The following PCDH15 variants were observed in gnomAD, a reference collection of about 807,000 sequenced individuals.
The protein encoded by PCDH15 is protocadherin related 15.
PCDH15 carries 129 observed loss-of-function variants against 178.5 expected under a neutral mutation model. The ratio of observed to expected loss-of-function variants is 0.72; its 90% CI spans 0.63 to 0.84. The LOEUF (loss-of-function observed/expected upper bound fraction) is 0.84, where lower values mean the gene tolerates loss of function less well. Ranked by LOEUF, PCDH15 falls within the 40% of genes least tolerant of loss-of-function variation. The pLI, the probability that PCDH15 is intolerant of heterozygous loss-of-function variation, is 0.00. For missense variants in PCDH15, 2,230 were observed against 2,099.9 expected (o/e 1.06, Z -1.21); for synonymous variants, 800 against 732.0 (o/e 1.09, Z -1.50).
At chr10:54,230,085 C>T (rs889663565) in intron 9 of PCDH15, among the ~76,000 whole-genome samples, 1 of 152,128 alleles carries the variant, frequency 6.6e-6, no homozygotes, top group Non-Finnish European at 1.5e-5. Flanking sequence ...ATAGCTTTCA[C>T]TTTTGCCTTC....
intron 1 of PCDH15, among the ~76,000 whole-genome samples, chr10:55,318,089 G>A (rs10825494): frequency 0.54 from 82,460 of 151,954 alleles, 22,864 homozygotes; most frequent in African/African-American, 0.63. Context: ...AGACAAGAAC[G>A]ACTGAATTCC....
rs113052279 is a variant in PCDH15, at chr10:55,286,862, A to G, written c.-156+32737T>C. 2.8e-3 allele frequency among the ~76,000 whole-genome samples: 429 copies of G among 152,028 alleles called. 3 individuals are homozygous for G. The highest frequency in any genetic ancestry group is 9.5e-3 in the African/African-American group (393 of 41,506). On this transcript the variant is annotated intron_variant, in intron 1 of 5. Transcript: ENST00000458638. ...TTTTATTATATATTTCTTTTCATGC[A>G]TTTGTATTAGCCAAGTACAGAGTTA...
intron 8 of PCDH15, among the ~76,000 whole-genome samples, chr10:54,258,586 T>C (rs1040548560): frequency 1.3e-5 from 2 of 152,194 alleles, no homozygotes; most frequent in African/African-American, 2.4e-5. Context: ...GAGCTCTCCA[T>C]ATAAAACAAA....
chr10:53,807,270 G>GTCTT (rs759613958), intron 37 of PCDH15, 140 bp from the exon 38 acceptor site: 31 of 654,990 alleles, frequency 4.7e-5, no homozygotes, highest in Non-Finnish European at 7.0e-5. Context: ...AAGGAAGCCA[G>GTCTT]TCTTTATTAA....
chr10:55,145,443 TAG>T (rs1422461537), intron 2 of PCDH15, among the ~76,000 whole-genome samples: 2 of 152,148 alleles, frequency 1.3e-5, no homozygotes, highest in South Asian at 2.1e-4. Flanking sequence ...CAAGAAATGT[TAG>T]AGAAGAGTGT....
intron 2 of PCDH15, among the ~76,000 whole-genome samples, chr10:55,096,740 CT>C (rs1158450321): frequency 6.6e-6 from 1 of 151,982 alleles, no homozygotes; most frequent in African/African-American, 2.4e-5. Context: ...CAGTATTTGT[CT>C]TTCTGTGTCT....
intron 2 of PCDH15, among the ~76,000 whole-genome samples, chr10:55,474,317 A>G (rs150284704): frequency 2.0e-5 from 3 of 152,350 alleles, no homozygotes; most frequent in Non-Finnish European, 4.4e-5. Flanking sequence ...CTGAGCAGAA[A>G]GTAGCATCAT....
chr10:55,369,949 C>A (rs759379619), intron 2 of PCDH15, among the ~76,000 whole-genome samples: 10 of 151,692 alleles, frequency 6.6e-5, no homozygotes, highest in Non-Finnish European at 1.3e-4. Context: ...CAAGTAATGG[C>A]AATAGCTTGA....
chr10:53,895,232 C>A (rs2081873001), intron 26 of PCDH15, among the ~76,000 whole-genome samples: 1 of 152,208 alleles, frequency 6.6e-6, no homozygotes, highest in South Asian at 2.1e-4. Context: ...CATTTCTATA[C>A]CTTTTGCTAC....
At chr10:54,240,319 T>G (rs1159204808) in intron 8 of PCDH15, among the ~76,000 whole-genome samples, 3 of 147,000 alleles carry the variant, frequency 2.0e-5, no homozygotes, top group Non-Finnish European at 4.5e-5. Context: ...AAAAATAAAA[T>G]GAAAAAGGAA....
At chr10:54,474,235 G>A (rs2078116835) in intron 3 of PCDH15, among the ~76,000 whole-genome samples, 1 of 151,680 alleles carries the variant, frequency 6.6e-6, no homozygotes, top group African/African-American at 2.4e-5. Flanking sequence ...TAAAAATTAA[G>A]TTTAGAATGA....
intron 3 of PCDH15, among the ~76,000 whole-genome samples, chr10:54,522,162 T>G (rs1347559543): frequency 1.3e-5 from 2 of 151,946 alleles, no homozygotes; most frequent in Non-Finnish European, 2.9e-5. Flanking sequence ...AGTTGTGAAT[T>G]TGAATTTTTA....
intron 3 of PCDH15, among the ~76,000 whole-genome samples, chr10:54,868,302 G>C (rs1265094963): frequency 6.6e-6 from 1 of 152,082 alleles, no homozygotes; most frequent in Non-Finnish European, 1.5e-5. Flanking sequence ...GGCATCTGTG[G>C]TCTATCTGCA....
At chr10:54,616,912 C>T (rs918563444) in intron 2 of PCDH15, among the ~76,000 whole-genome samples, 8 of 151,992 alleles carry the variant, frequency 5.3e-5, no homozygotes, top group Admixed American at 4.6e-4. Flanking sequence ...TGTAAAATGG[C>T]ATTTCTAGCC....
At chr10:54,558,116 G>A (rs1415517922) in intron 2 of PCDH15, among the ~76,000 whole-genome samples, 1 of 152,074 alleles carries the variant, frequency 6.6e-6, no homozygotes, top group Non-Finnish European at 1.5e-5. Context: ...TCAGGACCCT[G>A]AAGACAGTGG....
rs140231347 is a variant in PCDH15 at position 53,918,663 on chromosome 10, T to A, written c.3374-15293A>T. On this transcript the variant is annotated intron_variant, in intron 25 of 37. Coordinates refer to ENST00000644397, the MANE Select transcript of PCDH15 (RefSeq NM_001384140.1). Reference sequence around the variant, plus strand: ...ATGCCTTTCAAACAATGTGCTAAATTATTTAATGCTGCTCAAATAGGCGCC... The same window carrying A: ...ATGCCTTTCAAACAATGTGCTAAATAATTTAATGCTGCTCAAATAGGCGCC... Among the ~76,000 whole-genome samples, 445 of 152,038 alleles carry A rather than the reference T, an allele frequency of 2.9e-3. 1 individual carries two copies. Among genetic ancestry groups the A allele is most frequent in the Middle Eastern group, 0.01 (3 of 294 alleles).
chr10:54,364,385 T>C (rs950835793), intron 5 of PCDH15, among the ~76,000 whole-genome samples: 1 of 152,174 alleles, frequency 6.6e-6, no homozygotes, highest in African/African-American at 2.4e-5. Context: ...TTTGTATTTA[T>C]TGATTTTAAG....
intron 13 of PCDH15, among the ~76,000 whole-genome samples, chr10:54,175,848 A>G (rs2047378196): frequency 6.6e-6 from 1 of 152,168 alleles, no homozygotes; most frequent in African/African-American, 2.4e-5. Context: ...TTCCTATGAT[A>G]TATTACCTAT....
At chr10:55,063,156 T>A (rs1312719174) in intron 2 of PCDH15, among the ~76,000 whole-genome samples, 1 of 152,174 alleles carries the variant, frequency 6.6e-6, no homozygotes, top group Non-Finnish European at 1.5e-5. Flanking sequence ...ATCTCTATAA[T>A]TTACTATGCC....
Sources: allele counts gnomAD v4.1 joint callset (sites outside exome capture counted in the v4.1 genomes callset), GRCh38; gene constraint gnomAD v4.1.1; transcripts MANE v1.5; gene names NCBI Gene and HGNC (gene_info 2026-07-23, HGNC 2026-07-21).